UBASH3B: variants seen among roughly 807,000 people sequenced by gnomAD.
UBASH3B encodes the protein ubiquitin-associated and SH3 domain-containing protein B.
Under a neutral mutation model 83.4 loss-of-function variants are expected in UBASH3B, and 37 were observed. That is an observed-to-expected ratio of 0.44 (90% CI 0.34 to 0.58). The LOEUF is 0.58. Among genes scored for constraint, UBASH3B ranks in the 20% least tolerant of loss-of-function variants. The pLI, the probability that UBASH3B is intolerant of heterozygous loss-of-function variation, is 0.01. For synonymous variants in UBASH3B, 304 were observed against 318.3 expected (o/e 0.96, Z 0.48); for missense variants, 657 against 827.2 (o/e 0.79, Z 2.52).
At chr11:122,729,428 T>A (rs1451836605) in intron 1 of UBASH3B, among the ~76,000 whole-genome samples, 1 of 152,080 alleles carries the variant, frequency 6.6e-6, no homozygotes, top group African/African-American at 2.4e-5. Context: ...TCAAACAAAC[T>A]GATTGGAAAA....
chr11:122,781,518 G>A (rs567963878), intron 4 of UBASH3B, among the ~76,000 whole-genome samples: 1 of 152,356 alleles, frequency 6.6e-6, no homozygotes, highest in Admixed American at 6.5e-5. Flanking sequence ...TGTGGGACGC[G>A]GGTGGAGCCA....
intron 1 of UBASH3B, among the ~76,000 whole-genome samples, chr11:122,695,517 G>C (rs546984271): frequency 6.6e-6 from 1 of 152,230 alleles, no homozygotes; most frequent in African/African-American, 2.4e-5. Context: ...ATCTCCTTGA[G>C]TGGTGAATGC....
chr11:122,768,295 CCTG>C (rs951134459), intron 1 of UBASH3B, among the ~76,000 whole-genome samples: 4 of 152,224 alleles, frequency 2.6e-5, no homozygotes, highest in Admixed American at 2.6e-4. Flanking sequence ...CAATGACTCT[CCTG>C]TCAAGAGGGC....
chr11:122,682,437 G>A (rs1296255705), intron 1 of UBASH3B, among the ~76,000 whole-genome samples: 1 of 152,164 alleles, frequency 6.6e-6, no homozygotes, highest in Non-Finnish European at 1.5e-5. Context: ...TCCCTGTTGT[G>A]GGGCAAGGAG....
In UBASH3B at chr11:122,779,635, A is replaced by G; in HGVS notation, c.541A>G (p.Ser181Gly). The change falls in exon 4 of 14, where the codon AGT becomes GGT. Residue 181 changes from serine (S) to glycine (G), a missense_variant. By Grantham distance (56) the Ser-to-Gly change is moderately conservative (BLOSUM62 0). Around this residue, in one of 3 missense-constraint regions of UBASH3B, gnomAD observed 573 missense variants for 739.0 expected, o/e 0.78. Transcript: ENST00000284273. ...CATCGGCCTCTTTGTAAAGGAAGAC[A>G]GTGCGGAGGTCCTCAAGAAGTTTGC... is the stretch of plus-strand genomic sequence containing the variant. ...NFIGLFVKEDSAEVLKKFAAD... is the reference protein window; with the variant it reads ...NFIGLFVKEDGAEVLKKFAAD... 3 of 1,614,224 alleles carry G rather than the reference A, an allele frequency of 1.9e-6. No individual in the cohort carries two copies. Among genetic ancestry groups the G allele is most frequent in the East Asian group, 2.2e-5 (1 of 44,880 alleles).
intron 1 of UBASH3B, among the ~76,000 whole-genome samples, chr11:122,710,965 G>A (rs1864183366): frequency 6.6e-6 from 1 of 152,138 alleles, no homozygotes; most frequent in Non-Finnish European, 1.5e-5. Flanking sequence ...TCATTGACAG[G>A]CCATAGAGGA....
At chr11:122,673,200 C>T (rs1444909051) in intron 1 of UBASH3B, among the ~76,000 whole-genome samples, 2 of 152,150 alleles carry the variant, frequency 1.3e-5, no homozygotes, top group Non-Finnish European at 2.9e-5. Flanking sequence ...GTAACCAAGC[C>T]AGGGCAGAAC....
intron 9 of UBASH3B, among the ~76,000 whole-genome samples, 160 bp from the exon 10 acceptor site, chr11:122,798,782 T>G (rs1861198717): frequency 6.6e-6 from 1 of 151,922 alleles, no homozygotes; most frequent in African/African-American, 2.4e-5. Context: ...TGAGGGGTTT[T>G]GTTAGAAACT....
chr11:122,758,299 G>T lies in UBASH3B; in HGVS notation c.162-17920G>T, dbSNP rs1259944703. On this transcript the variant is annotated intron_variant, in intron 1 of 13. Coordinates refer to ENST00000284273, the MANE Select transcript of UBASH3B (RefSeq NM_032873.5). This position sits in a 1 kb window ranked among gnomAD's most constrained non-coding sequence, Gnocchi z 4.2. The stretch of plus-strand genomic sequence containing the variant: ...TAATATGTAAAGTACTCCCATAAAG[G>T]GGGATGCAGTAAATAATTTCAGGAA... Among the ~76,000 whole-genome samples, 2 of 152,218 alleles carry T rather than the reference G, an allele frequency of 1.3e-5. No individual in the cohort carries two copies. The highest frequency in any genetic ancestry group is 2.9e-5 in the Non-Finnish European group (2 of 68,048).
intron 1 of UBASH3B, among the ~76,000 whole-genome samples, chr11:122,774,930 C>A (rs1286380037): frequency 6.6e-6 from 1 of 152,172 alleles, no homozygotes; most frequent in African/African-American, 2.4e-5. Flanking sequence ...CTTAGTGCAG[C>A]CTTCCCCAGC....
At chr11:122,786,158 T>C (rs1591813374) in intron 5 of UBASH3B, among the ~76,000 whole-genome samples, 1 of 152,128 alleles carries the variant, frequency 6.6e-6, no homozygotes, top group Non-Finnish European at 1.5e-5. Context: ...CACGCCGTTC[T>C]CCTGCCTCAG....
intron 1 of UBASH3B, among the ~76,000 whole-genome samples, chr11:122,705,775 G>A (rs1864110804): frequency 6.6e-6 from 1 of 152,216 alleles, no homozygotes; most frequent in South Asian, 2.1e-4. Context: ...GGCTTTGAGA[G>A]TAGAAAGAAA....
chr11:122,804,896 A>G (rs1233342153), intron 11 of UBASH3B, among the ~76,000 whole-genome samples: 1 of 152,182 alleles, frequency 6.6e-6, no homozygotes, highest in East Asian at 1.9e-4. Context: ...TGGACCAGAA[A>G]CAACATAGAA....
Position 122,758,619 on chromosome 11 carries a change from G to A in UBASH3B, c.162-17600G>A, listed in dbSNP as rs536030095. 2.8e-4 allele frequency among the ~76,000 whole-genome samples: 43 copies of A among 152,252 alleles called. No individual in the cohort carries two copies. The highest frequency in any genetic ancestry group is 2.1e-4 in the South Asian group (1 of 4,822). On this transcript the variant is annotated intron_variant, in intron 1 of 13. Coordinates refer to ENST00000284273, the MANE Select transcript of UBASH3B (RefSeq NM_032873.5). This position sits in a 1 kb window ranked among gnomAD's most constrained non-coding sequence, Gnocchi z 4.2. Reference sequence around the variant, plus strand: ...TAACAGCTGGTGTGAATCTCCTTTCGTTTACATATGTGGGGACTGAGATTA... The same window carrying A: ...TAACAGCTGGTGTGAATCTCCTTTCATTTACATATGTGGGGACTGAGATTA...
chr11:122,728,746 C>T (rs115222679), intron 1 of UBASH3B, among the ~76,000 whole-genome samples: 1 of 152,194 alleles, frequency 6.6e-6, no homozygotes, highest in African/African-American at 2.4e-5. Context: ...TCTGATAGAG[C>T]CCCTCCCCTT....
chr11:122,705,454 TAAAA>T (rs60998227), intron 1 of UBASH3B, among the ~76,000 whole-genome samples: 1 of 59,544 alleles, frequency 1.7e-5, no homozygotes, highest in African/African-American at 6.8e-5. Flanking sequence ...TCGAAAAACA[TAAAA>T]AAAAAAAAAA....
At chr11:122,776,932 G>A (rs1448012824) in intron 2 of UBASH3B, 92 bp from the exon 3 acceptor site, 1 of 1,238,680 alleles carries the variant, frequency 8.1e-7, no homozygotes, top group East Asian at 2.6e-5. Flanking sequence ...CCGGGGATTT[G>A]GAGCACATGG....
intron 1 of UBASH3B, among the ~76,000 whole-genome samples, chr11:122,725,840 T>C (rs1214012001): frequency 1.3e-5 from 2 of 151,958 alleles, no homozygotes; most frequent in Non-Finnish European, 2.9e-5. Flanking sequence ...ATTATAGGTG[T>C]GCACCACCAC....
intron 1 of UBASH3B, among the ~76,000 whole-genome samples, chr11:122,665,779 A>T (rs1204398695): frequency 3.9e-5 from 6 of 152,202 alleles, no homozygotes; most frequent in Admixed American, 3.9e-4. Context: ...AAAAACAAAC[A>T]ATTTGTTTTC....
Sources: allele counts gnomAD v4.1 joint callset (sites outside exome capture counted in the v4.1 genomes callset), GRCh38; gene constraint gnomAD v4.1.1; regional missense constraint gnomAD v4.1.1; non-coding constraint Gnocchi (gnomAD v3.1); transcripts MANE v1.5; gene names NCBI Gene and HGNC (gene_info 2026-07-23, HGNC 2026-07-21).